The following GALNT17 variants were observed in gnomAD, a reference collection of about 807,000 sequenced individuals.
GALNT17 encodes the protein polypeptide N-acetylgalactosaminyltransferase 17, also known as UDP-GalNAc:polypeptide N-acetylgalactosaminyltransferase-like 3.
GALNT17 carries 29 observed loss-of-function variants against 63.7 expected under a neutral mutation model. The observed-to-expected ratio is 0.46, with a 90% CI of 0.34 to 0.62. GALNT17 has a LOEUF of 0.62. GALNT17 is among the 20% of genes least tolerant of loss of function. The pLI is 0.01. For synonymous variants in GALNT17, 305 were observed against 318.3 expected, an observed-to-expected ratio of 0.96 and a Z score of 0.45; for missense variants, 603 against 799.6, an observed-to-expected ratio of 0.75 and a Z score of 2.97.
intron 2 of GALNT17, among the ~76,000 whole-genome samples, chr7:71,377,112 A>ATATATATATATATATATAT (rs1563047568): frequency 1.7e-5 from 1 of 57,232 alleles, no homozygotes; most frequent in Non-Finnish European, 3.2e-5. Flanking sequence ...AAAAATAAAA[A>ATATATATATATATATATAT]AAATATATAT....
intron 2 of GALNT17, among the ~76,000 whole-genome samples, chr7:71,367,348 C>T (rs934250457): frequency 1.3e-5 from 2 of 152,138 alleles, no homozygotes; most frequent in African/African-American, 4.8e-5. Flanking sequence ...CCCCAAATCC[C>T]AAGCGCTGGC....
intron 3 of GALNT17, among the ~76,000 whole-genome samples, chr7:71,413,669 A>C (rs1194516627): frequency 1.3e-5 from 2 of 151,730 alleles, no homozygotes; most frequent in Non-Finnish European, 2.9e-5. Flanking sequence ...AACGTATCTC[A>C]TCTCCTTAAC....
chr7:71,659,483 A>G (rs961770345), intron 6 of GALNT17, among the ~76,000 whole-genome samples: 1 of 152,132 alleles, frequency 6.6e-6, no homozygotes, highest in Admixed American at 6.5e-5. Flanking sequence ...TTCAGCCATG[A>G]TATCTGGAAT....
chr7:71,347,721 TC>T (rs1367038584), intron 2 of GALNT17, among the ~76,000 whole-genome samples: 1 of 151,970 alleles, frequency 6.6e-6, no homozygotes, highest in East Asian at 1.9e-4. Context: ...ATAAGGTTCT[TC>T]CCAGGCCTGG....
chr7:71,528,811 A>G (rs1415698056), intron 5 of GALNT17, among the ~76,000 whole-genome samples: 2 of 152,168 alleles, frequency 1.3e-5, no homozygotes, highest in Non-Finnish European at 2.9e-5. Flanking sequence ...TAGGGAGAAG[A>G]TGAATAAAAC....
In GALNT17 at chr7:71,712,310, G is replaced by C; in HGVS notation, c.*164G>C. 3.7e-6 allele frequency: 3 copies of C among 815,276 alleles called. No homozygotes were observed. The East Asian group carries it at 9.2e-5, about 25-fold the overall frequency. 50.5% of individuals were successfully genotyped at this position (815,276 alleles called of 1,614,324 possible). On this transcript the variant is annotated 3_prime_UTR_variant, in exon 11 of 11. Transcript: ENST00000333538. ...CACAGGGACCCCGGATGAAGACTCT[G>C]TCCCCCCTCAGGCATTCAGCTGCCC...
At chr7:71,482,091 G>GTGTT (rs386410412) in intron 5 of GALNT17, among the ~76,000 whole-genome samples, 1 of 150,766 alleles carries the variant, frequency 6.6e-6, no homozygotes, top group Non-Finnish European at 1.5e-5. Context: ...ATGTGTGTGT[G>GTGTT]TGTGTGTGTG....
chr7:71,516,339 C>T (rs1031265184), intron 5 of GALNT17, among the ~76,000 whole-genome samples: 4 of 152,100 alleles, frequency 2.6e-5, no homozygotes, highest in Admixed American at 2.0e-4. Context: ...TCAGAATCTA[C>T]CATGATTAGT....
intron 5 of GALNT17, among the ~76,000 whole-genome samples, chr7:71,563,123 TTCTTC>T (rs1789282637): frequency 6.6e-6 from 1 of 152,248 alleles, no homozygotes; most frequent in African/African-American, 2.4e-5. Flanking sequence ...TTAATTTCTG[TTCTTC>T]TCTTCTGTAA....
intron 1 of GALNT17, among the ~76,000 whole-genome samples, chr7:71,305,932 A>G (rs936461558): frequency 7.2e-5 from 11 of 152,186 alleles, no homozygotes; most frequent in Non-Finnish European, 1.3e-4. Flanking sequence ...AAAAATTTCT[A>G]ATTAGGCCGG....
intron 6 of GALNT17, among the ~76,000 whole-genome samples, chr7:71,582,080 T>G (rs894208113): frequency 2.6e-5 from 4 of 152,060 alleles, no homozygotes; most frequent in African/African-American, 9.7e-5. Context: ...ACAATCACTA[T>G]GAAAAACAGT....
At chr7:71,296,404 A>G (rs968797397) in intron 1 of GALNT17, among the ~76,000 whole-genome samples, 3 of 152,092 alleles carry the variant, frequency 2.0e-5, no homozygotes, top group Non-Finnish European at 4.4e-5. Context: ...ACTTGAGGTC[A>G]GTAGTTCAAG....
intron 5 of GALNT17, among the ~76,000 whole-genome samples, chr7:71,535,532 G>T (rs753318092): frequency 1.3e-5 from 2 of 152,218 alleles, no homozygotes. Flanking sequence ...TAATGTCTAT[G>T]TATTCTCACC....
intron 5 of GALNT17, among the ~76,000 whole-genome samples, chr7:71,452,496 A>G (rs1173529566): frequency 6.6e-6 from 1 of 151,444 alleles, no homozygotes; most frequent in Non-Finnish European, 1.5e-5. Context: ...GCAGTGAGTC[A>G]AGGTCACACC....
chr7:71,232,640 A>C (rs190869249), intron 1 of GALNT17, among the ~76,000 whole-genome samples: 2 of 152,288 alleles, frequency 1.3e-5, no homozygotes, highest in East Asian at 3.9e-4. Flanking sequence ...TGGAGGCATT[A>C]GTGTTACAGC....
intron 1 of GALNT17, among the ~76,000 whole-genome samples, chr7:71,325,345 CT>C (rs1269230232): frequency 6.6e-6 from 1 of 152,146 alleles, no homozygotes; most frequent in Non-Finnish European, 1.5e-5. Flanking sequence ...GGAAGACGGG[CT>C]GCATGACATG....
At chr7:71,647,004 C>T (rs921387526) in intron 6 of GALNT17, among the ~76,000 whole-genome samples, 8 of 151,734 alleles carry the variant, frequency 5.3e-5, no homozygotes, top group South Asian at 4.2e-4. Context: ...CCTCAGCCTC[C>T]GAAAGTGCTG....
chr7:71,575,467 G>T (rs937088962), intron 6 of GALNT17, among the ~76,000 whole-genome samples: 1 of 151,108 alleles, frequency 6.6e-6, no homozygotes, highest in African/African-American at 2.4e-5. Flanking sequence ...TTGGCTCACT[G>T]CAGGCTCCGC....
chr7:71,420,807 C>G (rs1228760251), intron 4 of GALNT17, 101 bp from the exon 5 acceptor site: 16 of 1,420,234 alleles, frequency 1.1e-5, no homozygotes, highest in Non-Finnish European at 1.6e-5. Context: ...CTTCCCAAAG[C>G]CCAGCCTTAA....
Sources: gnomAD v4.1 joint callset for allele counts (sites outside exome capture counted in the v4.1 genomes callset) on GRCh38, gnomAD v4.1.1 for gene constraint, MANE v1.5 for transcripts, NCBI Gene and HGNC (gene_info 2026-07-23, HGNC 2026-07-21) for gene names.